Variants in FBXW4 observed in about 807,000 individuals in gnomAD.
The protein encoded by FBXW4 is F-box/WD repeat-containing protein 4.
In FBXW4, 40 loss-of-function variants were observed where a neutral mutation model predicts 61.8. The ratio of observed to expected loss-of-function variants is 0.65; its 90% CI spans 0.50 to 0.84. The LOEUF (loss-of-function observed/expected upper bound fraction) is 0.84. Ranked by LOEUF, FBXW4 falls within the 40% of genes least tolerant of loss-of-function variation. FBXW4 has a pLI of 0.00. For synonymous variants in FBXW4, 311 were observed against 313.8 expected (o/e 0.99, Z 0.10); for missense variants, 672 against 753.8 (o/e 0.89, Z 1.27).
chr10:101,678,784 T>A (rs1220294977), intron 1 of FBXW4, among the ~76,000 whole-genome samples: 1 of 152,162 alleles, frequency 6.6e-6, no homozygotes, highest in African/African-American at 2.4e-5. Flanking sequence ...CAAATTTTAC[T>A]AAAAGCCAGC....
Position 101,694,341 on chromosome 10 carries a change from C to T in FBXW4, c.725+40G>A, listed in dbSNP as rs1270869308. 37 of 1,343,008 alleles carry T rather than the reference C, an allele frequency of 2.8e-5. No homozygotes were observed. The highest frequency in any genetic ancestry group is 3.4e-5 in the Non-Finnish European group (36 of 1,054,306). The allele number at this position is 1,343,008 out of a possible 1,614,324, so 83.2% of individuals were successfully genotyped here. On this transcript the variant is annotated intron_variant, in intron 1 of 8. Transcript: ENST00000331272. This position sits in a 1 kb window ranked among gnomAD's most constrained non-coding sequence, Gnocchi z 6.0. ...CCCGCCCTTTCCCGGGACGCGGGGC[C>T]GGCTCGGGGCGGGGAGCGGGCGGGC...
In FBXW4 at chr10:101,694,642, G is replaced by A. The variant is rs769235550; in HGVS notation, c.464C>T (p.Ala155Val). Reference sequence around the variant, plus strand: ...CTCCTCCCCGGCCGCCGCCGCCATGGCCACCCCTGTCCCCGCGATGTCGGC... The same window carrying A: ...CTCCTCCCCGGCCGCCGCCGCCATGACCACCCCTGTCCCCGCGATGTCGGC... ...AWADIAGTGV[A>V]MAAAAGEEEE... The change falls in exon 1 of 9, where the codon GCC becomes GTC. Residue 155 changes from alanine to valine, a missense_variant. This residue lies in a region of FBXW4 where 311 missense variants were observed against 301.1 expected (regional missense o/e 1.03). Transcript: ENST00000331272. The surrounding 1 kb of genome is among the most constrained non-coding windows in gnomAD (Gnocchi z 6.0). The A allele has an allele frequency of 1.1e-4, 154 of 1,424,032 alleles. No individual in the cohort carries two copies. The highest frequency in any genetic ancestry group is 1.3e-4 in the Non-Finnish European group (138 of 1,099,032). The allele number at this position is 1,424,032 out of a possible 1,614,324, so 88.2% of individuals were successfully genotyped here.
At chr10:101,660,012 G>T (rs2064227157) in intron 5 of FBXW4, 1 of 857,258 alleles carries the variant, frequency 1.2e-6, no homozygotes, top group Non-Finnish European at 1.4e-6. Context: ...GCCCTAACTT[G>T]TAATATAAGG....
At position 101,611,694 on chromosome 10, in the gene FBXW4, C is replaced by G. The variant is rs199851213; in HGVS notation, c.1518G>C (p.Leu506=). 1.9e-6 allele frequency: 3 copies of G among 1,614,184 alleles called. No homozygotes were observed. Among genetic ancestry groups the G allele is most frequent in the Admixed American group, 3.3e-5 (2 of 60,020 alleles). Residue 506 remains leucine, a synonymous_variant, in exon 8 of 9, where the codon CTG becomes CTC. Transcript: ENST00000331272. The surrounding 1 kb of genome is among the most constrained non-coding windows in gnomAD (Gnocchi z 4.9). The stretch of plus-strand genomic sequence containing the variant: ...CACCGTAGTAGGAGGAACCTGTGGC[C>G]AGCAGGTGGTTGCCATCTGTCTGCA... ...YCLQTDGNHL[L]ATGSSYYGVV...
rs187129963 is a variant in FBXW4, at chr10:101,637,119, C to T, written c.1236-12309G>A. Among the ~76,000 whole-genome samples, 6 of 151,654 alleles carry T rather than the reference C, an allele frequency of 4.0e-5. No individual in the cohort carries two copies. The East Asian group carries it at 1.2e-3, about 29-fold the overall frequency. Reference sequence around the variant, plus strand: ...CCACCATGGGCCGGGCACGGTGGCTCACATTTGCAATCCCAGCACTTTGGG... The same window carrying T: ...CCACCATGGGCCGGGCACGGTGGCTTACATTTGCAATCCCAGCACTTTGGG... On this transcript the variant is annotated intron_variant, in intron 5 of 8. Coordinates refer to ENST00000331272, the MANE Select transcript of FBXW4 (RefSeq NM_022039.4).
chr10:101,648,717 A>C (rs952417717), intron 5 of FBXW4, among the ~76,000 whole-genome samples: 2 of 152,204 alleles, frequency 1.3e-5, no homozygotes, highest in African/African-American at 4.8e-5. Flanking sequence ...AAGTTTTGTC[A>C]GACCTTTACC....
intron 2 of FBXW4, among the ~76,000 whole-genome samples, chr10:101,674,238 A>T (rs2064386267): frequency 6.6e-6 from 1 of 151,904 alleles, no homozygotes; most frequent in African/African-American, 2.4e-5. Flanking sequence ...CTGAGGCAGG[A>T]GAATCGCTTG....
At chr10:101,666,687 G>A (rs536000104) in intron 5 of FBXW4, among the ~76,000 whole-genome samples, 1 of 152,268 alleles carries the variant, frequency 6.6e-6, no homozygotes, top group East Asian at 1.9e-4. Context: ...ACTCTGCTGG[G>A]GAGGAGAGGG....
intron 1 of FBXW4, among the ~76,000 whole-genome samples, chr10:101,683,976 T>C (rs1228271682): frequency 6.6e-6 from 1 of 152,156 alleles, no homozygotes; most frequent in African/African-American, 2.4e-5. Context: ...ATTAATTAAT[T>C]TTTTTGAGAC....
Position 101,695,070 on chromosome 10 carries a change from G to A in FBXW4, c.36C>T (p.Asn12=), listed in dbSNP as rs2064662446. The A allele has an allele frequency of 6.1e-6, 6 of 991,630 alleles. No homozygotes were observed. Among genetic ancestry groups the A allele is most frequent in the Non-Finnish European group, 7.2e-6 (6 of 834,586 alleles). The allele number at this position is 991,630 out of a possible 1,614,324, so 61.4% of individuals were successfully genotyped here. A position where few individuals can be genotyped will look rare whatever the true frequency, so the allele number is the denominator to read the frequency against. The change falls in exon 1 of 9, where the codon AAC becomes AAT. Residue 12 remains asparagine, a synonymous_variant. Transcript: ENST00000331272. This position sits in a 1 kb window ranked among gnomAD's most constrained non-coding sequence, Gnocchi z 4.2. The part of the protein sequence containing the change: ...GSQGRSGPPG[N]GGPGEGEGGE... ...CGCCCTCGCCCTCGCCGGGCCCGCC[G>A]TTCCCGGGGGGCCCCGAGCGGCCCT...
At position 101,611,147 on chromosome 10, in the gene FBXW4, C is replaced by G. The variant is rs1589733403; in HGVS notation, c.*144G>C. 1.8e-6 allele frequency: 2 copies of G among 1,083,496 alleles called. No homozygotes were observed. The highest frequency in any genetic ancestry group is 3.2e-5 in the African/African-American group (2 of 62,912). 67.1% of individuals were successfully genotyped at this position (1,083,496 alleles called of 1,614,324 possible). ...CCAAAGTCCCAGGAGTCAGAAGCCT[C>G]TAGTGCAAGGTGCCTGAGCACTGGG... is the stretch of plus-strand genomic sequence containing the variant. On this transcript the variant is annotated 3_prime_UTR_variant, in exon 9 of 9. Transcript: ENST00000331272. The surrounding 1 kb of genome is among the most constrained non-coding windows in gnomAD (Gnocchi z 4.9).
chr10:101,660,085 C>A, intron 5 of FBXW4: 1 of 985,362 alleles, frequency 1.0e-6, no homozygotes, highest in Non-Finnish European at 1.2e-6. Context: ...GAAGGAAGGG[C>A]GGGAGGGGTC....
At position 101,611,322 on chromosome 10, in the gene FBXW4, T is replaced by C. The variant is rs753773093; in HGVS notation, c.1673A>G (p.Asn558Ser). 5.0e-6 allele frequency: 8 copies of C among 1,613,464 alleles called. No individual in the cohort carries two copies. The Admixed American group carries it at 6.7e-5, about 13-fold the overall frequency. Reference sequence around the variant, plus strand: ...GTTTTGAAAATCCAGGACGTGGAGGTTGTAAGACAGGGCAGCATAGAGATG... The same window carrying C: ...GTTTTGAAAATCCAGGACGTGGAGGCTGTAAGACAGGGCAGCATAGAGATG... ...TKHLYAALSY[N>S]LHVLDFQNP The change falls in exon 9 of 9, where the codon AAC becomes AGC. Residue 558 changes from asparagine to serine, a missense_variant. Coordinates refer to ENST00000331272, the MANE Select transcript of FBXW4 (RefSeq NM_022039.4). This position sits in a 1 kb window ranked among gnomAD's most constrained non-coding sequence, Gnocchi z 4.9.
chr10:101,639,772 A>G (rs2064035383), intron 5 of FBXW4, among the ~76,000 whole-genome samples: 1 of 152,228 alleles, frequency 6.6e-6, no homozygotes, highest in African/African-American at 2.4e-5. Context: ...TAAGAACCAT[A>G]AAGAAAGAGA....
chr10:101,624,201 A>G (rs1275569592), intron 6 of FBXW4, among the ~76,000 whole-genome samples: 1 of 152,102 alleles, frequency 6.6e-6, no homozygotes, highest in Non-Finnish European at 1.5e-5. Context: ...GTAAGATGTT[A>G]CACAAACACC....
intron 5 of FBXW4, among the ~76,000 whole-genome samples, chr10:101,631,016 A>G (rs1178834617): frequency 2.0e-5 from 3 of 152,156 alleles, no homozygotes; most frequent in African/African-American, 7.2e-5. Context: ...GGGAGGCCCT[A>G]GGACCAAAGC....
At chr10:101,673,804 T>C (rs1485577441) in intron 2 of FBXW4, 131 bp from the exon 3 acceptor site, 3 of 810,058 alleles carry the variant, frequency 3.7e-6, no homozygotes, top group African/African-American at 1.7e-5. Context: ...CTATACTTGA[T>C]ACCCTCCTTC....
intron 4 of FBXW4, among the ~76,000 whole-genome samples, chr10:101,668,608 A>T (rs1280961414): frequency 6.6e-6 from 1 of 152,218 alleles, no homozygotes; most frequent in Non-Finnish European, 1.5e-5. Flanking sequence ...AGAAAAGCTT[A>T]ACTCTTTTAA....
chr10:101,649,743 T>C (rs1023233135), intron 5 of FBXW4, among the ~76,000 whole-genome samples: 12 of 152,222 alleles, frequency 7.9e-5, no homozygotes, highest in African/African-American at 1.2e-4. Context: ...CTGTGCTTGG[T>C]GAACCTTGGC....
Sources: gnomAD v4.1 joint callset for allele counts (sites outside exome capture counted in the v4.1 genomes callset) on GRCh38, gnomAD v4.1.1 for gene constraint, gnomAD v4.1.1 regional missense constraint, Gnocchi (gnomAD v3.1) non-coding constraint, MANE v1.5 for transcripts, NCBI Gene and HGNC (gene_info 2026-07-23, HGNC 2026-07-21) for gene names.